PCDH11X: variants seen among roughly 807,000 people sequenced by gnomAD.
PCDH11X encodes protocadherin 11 X-linked.
PCDH11X carries 18 observed loss-of-function variants against 53.3 expected under a neutral mutation model. That is an observed-to-expected ratio of 0.34 (90% CI 0.23 to 0.50). PCDH11X has a LOEUF of 0.50. PCDH11X is among the 20% of genes least tolerant of loss of function. The pLI, the probability that PCDH11X is intolerant of heterozygous loss-of-function variation, is 0.98. For missense variants in PCDH11X, 570 were observed against 1,032.4 expected (o/e 0.55, Z 6.14); for synonymous variants, 279 against 393.3 (o/e 0.71, Z 3.44).
intron 6 of PCDH11X, among the ~76,000 whole-genome samples, chrX:92,161,306 C>T (rs2065638315): frequency 9.0e-6 from 1 of 111,568 alleles, no homozygotes; most frequent in Non-Finnish European, 1.9e-5. Context: ...AAACTTTTGG[C>T]TGATAATTAT....
At position 91,883,678 on chromosome X, in the gene PCDH11X, G is replaced by A. The variant is rs756449168; in HGVS notation, c.3033+4405G>A. ...AAATTAGCCTGGCGTGGTGGCGGGC[G>A]CCTGTAGTCCCAGCTACTCGGGAGG... On this transcript the variant is annotated intron_variant, in intron 6 of 10. Coordinates refer to ENST00000682573, the MANE Select transcript of PCDH11X (RefSeq NM_032968.5). 119 of 493,356 alleles carry A rather than the reference G, an allele frequency of 2.4e-4. No individual in the cohort carries two copies. In the East Asian group the frequency reaches 0.011, roughly 45 times the overall value. The allele number at this position is 493,356 out of a possible 1,213,427, so 40.7% of individuals were successfully genotyped here.
At chrX:91,901,639 A>T (rs1489237878) in intron 6 of PCDH11X, among the ~76,000 whole-genome samples, 5 of 111,385 alleles carry the variant, frequency 4.5e-5, no homozygotes, top group Admixed American at 1.9e-4. Flanking sequence ...AATATTAGAC[A>T]TTTTACTCTA....
intron 7 of PCDH11X, among the ~76,000 whole-genome samples, chrX:92,230,440 AT>A (rs1379854671): frequency 0.042 from 893 of 21,307 alleles, 22 homozygotes; most frequent in African/African-American, 0.065. Flanking sequence ...TATATATTAT[AT>A]ATTTATATAT....
intron 6 of PCDH11X, among the ~76,000 whole-genome samples, chrX:91,926,313 G>A (rs1054266738): frequency 1.9e-4 from 21 of 110,164 alleles, no homozygotes; most frequent in African/African-American, 6.9e-4. Flanking sequence ...CAGGCCTTCA[G>A]TTGATTGGAT....
At chrX:92,083,982 A>G (rs28370441) in intron 6 of PCDH11X, among the ~76,000 whole-genome samples, 41,014 of 107,240 alleles carry the variant, frequency 0.38, 8,065 homozygotes, top group East Asian at 0.87. Flanking sequence ...CAGCTACTCA[A>G]GAGGCTGAGG....
At chrX:91,940,728 T>G (rs866626227) in intron 6 of PCDH11X, among the ~76,000 whole-genome samples, 7 of 103,101 alleles carry the variant, frequency 6.8e-5, no homozygotes, top group African/African-American at 2.1e-4. Flanking sequence ...AGATAAGGTC[T>G]CATTATGTTG....
At chrX:91,922,789 C>A (rs1007911570) in intron 6 of PCDH11X, among the ~76,000 whole-genome samples, 8 of 111,353 alleles carry the variant, frequency 7.2e-5, no homozygotes, top group Non-Finnish European at 1.5e-4. Context: ...AGCTGAGGAC[C>A]CCTGCTTTCA....
At chrX:91,995,729 G>A (rs1301640024) in intron 6 of PCDH11X, among the ~76,000 whole-genome samples, 3 of 110,999 alleles carry the variant, frequency 2.7e-5, no homozygotes, top group Non-Finnish European at 5.7e-5. Context: ...AAATGCTATT[G>A]GGATATTGAT....
At chrX:92,029,031 T>A (rs1301365323) in intron 6 of PCDH11X, among the ~76,000 whole-genome samples, 1 of 109,759 alleles carries the variant, frequency 9.1e-6, no homozygotes, top group South Asian at 4.0e-4. Context: ...AGGATACCAT[T>A]GAAAATTACT....
chrX:91,790,239 C>A (rs1935484920), intron 1 of PCDH11X, among the ~76,000 whole-genome samples: 1 of 112,361 alleles, frequency 8.9e-6, no homozygotes, highest in Non-Finnish European at 1.9e-5. Context: ...AGAATAACAA[C>A]CAGTTGCTTG....
chrX:91,784,809 C>A (rs1361417052), intron 1 of PCDH11X, among the ~76,000 whole-genome samples: 33 of 111,222 alleles, frequency 3.0e-4, no homozygotes, highest in Non-Finnish European at 5.8e-4. Flanking sequence ...ACATCCTCCT[C>A]CCCATTAGCC....
intron 8 of PCDH11X, among the ~76,000 whole-genome samples, chrX:92,328,624 A>G (rs1298582477): frequency 9.0e-6 from 1 of 110,952 alleles, no homozygotes; most frequent in East Asian, 2.8e-4. Context: ...ATCACTACAG[A>G]TATTAAAAGT....
intron 6 of PCDH11X, among the ~76,000 whole-genome samples, chrX:92,166,544 A>C (rs1389514127): frequency 1.8e-5 from 2 of 108,194 alleles, no homozygotes; most frequent in Admixed American, 1.0e-4. Flanking sequence ...TGTAAGCAGA[A>C]GTTTTAAAAT....
intron 7 of PCDH11X, among the ~76,000 whole-genome samples, chrX:92,241,513 ATTATT>A (rs1232554690): frequency 2.7e-5 from 3 of 112,070 alleles, no homozygotes; most frequent in Non-Finnish European, 5.6e-5. Context: ...TTGGTTAGAT[ATTATT>A]TTATTTTCCA....
Position 91,829,759 on chromosome X carries a change from A to C in PCDH11X, c.-44-5702A>C, listed in dbSNP as rs570391130. ...TTTGATAAAAAATATTTAATATATA[A>C]AGCAATGCCTACAGATATGTATATA... On this transcript the variant is annotated intron_variant, in intron 4 of 10. Coordinates refer to ENST00000682573, the MANE Select transcript of PCDH11X (RefSeq NM_032968.5). Among the ~76,000 whole-genome samples the C allele has an allele frequency of 2.0e-4, 22 of 111,580 alleles. 1 individual carries two copies. The South Asian group carries it at 8.2e-3, about 41-fold the overall frequency.
intron 8 of PCDH11X, among the ~76,000 whole-genome samples, chrX:92,303,622 C>G (rs1231054032): frequency 8.9e-6 from 1 of 111,813 alleles, no homozygotes; most frequent in East Asian, 2.8e-4. Flanking sequence ...AATATATTTG[C>G]ATCTGTTTGC....
chrX:91,806,083 C>T (rs1397271520), intron 1 of PCDH11X, among the ~76,000 whole-genome samples: 1 of 112,600 alleles, frequency 8.9e-6, no homozygotes, highest in Non-Finnish European at 1.9e-5. Flanking sequence ...AATTGACTGC[C>T]TTTGTAATAG....
intron 6 of PCDH11X, among the ~76,000 whole-genome samples, chrX:91,886,970 C>CAAAAA (rs1179014012): frequency 2.2e-4 from 11 of 50,096 alleles, no homozygotes; most frequent in South Asian, 9.3e-4. Context: ...GACTCCATCT[C>CAAAAA]AAAAAAAAAA....
intron 7 of PCDH11X, among the ~76,000 whole-genome samples, chrX:92,259,753 G>C (rs1347203513): frequency 8.9e-6 from 1 of 111,759 alleles, no homozygotes; most frequent in Non-Finnish European, 1.9e-5. Flanking sequence ...CCTTGATGTA[G>C]TACCTGGGTA....
Sources: allele counts gnomAD v4.1 joint callset (sites outside exome capture counted in the v4.1 genomes callset), GRCh38; gene constraint gnomAD v4.1.1; transcripts MANE v1.5; gene names NCBI Gene and HGNC (gene_info 2026-07-23, HGNC 2026-07-21).